Variants in CSMD1 observed in about 807,000 individuals in gnomAD.
CSMD1 encodes CUB and sushi domain-containing protein 1.
A neutral mutation model predicts 417.5 loss-of-function variants in CSMD1; 213 were observed. That is an observed-to-expected ratio of 0.51 (90% CI 0.46 to 0.57). The LOEUF (loss-of-function observed/expected upper bound fraction) is 0.57, where lower values mean the gene tolerates loss of function less well. Ranked by LOEUF, CSMD1 falls within the 20% of genes least tolerant of loss-of-function variation. The pLI is 0.00. For missense variants in CSMD1, 6,923 were observed against 4,529.7 expected (o/e 1.53, Z -15.17); for synonymous variants, 2,862 against 1,736.8 (o/e 1.65, Z -16.11).
intron 3 of CSMD1, among the ~76,000 whole-genome samples, chr8:4,331,321 C>A (rs1329017399): frequency 1.3e-5 from 2 of 152,100 alleles, no homozygotes; most frequent in Non-Finnish European, 2.9e-5. Context: ...TGGGTGCAAA[C>A]GCAGTTTTGA....
chr8:3,858,921 G>A (rs1384060216), intron 5 of CSMD1, among the ~76,000 whole-genome samples: 2 of 152,286 alleles, frequency 1.3e-5, no homozygotes, highest in East Asian at 3.9e-4. Context: ...TGGATTTGGC[G>A]AGTTGGTTGA....
chr8:3,795,115 GATATCTATC>G (rs1799979313), intron 5 of CSMD1, among the ~76,000 whole-genome samples: 1 of 83,126 alleles, frequency 1.2e-5, no homozygotes, highest in African/African-American at 5.5e-5. Context: ...TACAGCTATA[GATATCTATC>G]ATGTACAGCT....
chr8:3,894,060 C>G (rs1334539336), intron 5 of CSMD1, among the ~76,000 whole-genome samples: 1 of 152,122 alleles, frequency 6.6e-6, no homozygotes, highest in East Asian at 1.9e-4. Flanking sequence ...GCTGCCACAT[C>G]CTCACAAGCA....
Position 3,108,846 on chromosome 8 carries a change from A to G in CSMD1, c.6609-98T>C. ...ATGAATTAATTTTTTTAATAAAAGC[A>G]ATAAAACATATGCATTCTCAGGATA... On this transcript the variant is annotated intron_variant, in intron 43 of 69. Transcript: ENST00000635120. The G allele has an allele frequency of 2.5e-6, 3 of 1,203,886 alleles. No homozygotes were observed. The South Asian group carries it at 4.6e-5, about 19-fold the overall frequency. 74.6% of individuals were successfully genotyped at this position (1,203,886 alleles called of 1,614,324 possible).
At chr8:4,575,017 G>T (rs192105323) in intron 2 of CSMD1, among the ~76,000 whole-genome samples, 14 of 152,248 alleles carry the variant, frequency 9.2e-5, no homozygotes, top group Admixed American at 7.2e-4. Flanking sequence ...TAAATAAAAG[G>T]AGAAAGGGCC....
chr8:4,303,477 A>G (rs1396377074), intron 3 of CSMD1, among the ~76,000 whole-genome samples: 5 of 105,416 alleles, frequency 4.7e-5, no homozygotes, highest in African/African-American at 1.9e-4. Flanking sequence ...TGCTGAGCTC[A>G]TGTTGATTTT....
At chr8:3,696,433 T>G (rs1800557376) in intron 7 of CSMD1, among the ~76,000 whole-genome samples, 1 of 152,236 alleles carries the variant, frequency 6.6e-6, no homozygotes, top group Admixed American at 6.5e-5. Context: ...TAAGCTACCA[T>G]GGACTGCTTC....
Position 3,307,685 on chromosome 8 carries a change from A to T in CSMD1, c.3950+10T>A, listed in dbSNP as rs10103770. The T allele has an allele frequency of 6.2e-7, 1 of 1,611,322 alleles. No homozygotes were observed. On this transcript the variant is annotated intron_variant, in intron 25 of 69. Transcript: ENST00000635120. ...TTCTCAAATCACTGAAACCAAAATA[A>T]AACAAGTACCTAATGGTCTTTCCTG...
intron 1 of CSMD1, among the ~76,000 whole-genome samples, chr8:4,775,609 T>G (rs186508243): frequency 2.0e-4 from 31 of 152,310 alleles, no homozygotes; most frequent in African/African-American, 7.5e-4. Flanking sequence ...TAATCAATGT[T>G]AATTACAAGC....
At chr8:3,618,941 G>C (rs1048124432) in intron 7 of CSMD1, among the ~76,000 whole-genome samples, 1 of 152,114 alleles carries the variant, frequency 6.6e-6, no homozygotes, top group African/African-American at 2.4e-5. Flanking sequence ...GAGAGACTGA[G>C]CTCTGTCTTT....
chr8:3,483,295 A>T (rs541291806), intron 11 of CSMD1, among the ~76,000 whole-genome samples: 1 of 152,238 alleles, frequency 6.6e-6, no homozygotes, highest in East Asian at 1.9e-4. Flanking sequence ...GAAATAAAAT[A>T]GAGGCTATTA....
intron 5 of CSMD1, among the ~76,000 whole-genome samples, chr8:3,929,755 G>A (rs1810012681): frequency 2.0e-5 from 3 of 149,692 alleles, no homozygotes; most frequent in South Asian, 2.2e-4. Context: ...TCAGCCTCCT[G>A]GATACAAGCA....
chr8:3,741,227 A>AC (rs1381881933), intron 6 of CSMD1, among the ~76,000 whole-genome samples: 10 of 150,984 alleles, frequency 6.6e-5, no homozygotes, highest in African/African-American at 2.4e-4. Flanking sequence ...AAAAAAAAAA[A>AC]AAAAAAAAAA....
intron 5 of CSMD1, among the ~76,000 whole-genome samples, chr8:3,843,138 T>A (rs1352604108): frequency 6.6e-6 from 1 of 152,190 alleles, no homozygotes; most frequent in African/African-American, 2.4e-5. Context: ...CCATAGCACA[T>A]CTAATGGAAT....
At chr8:3,003,991 C>T (rs939586118) in intron 52 of CSMD1, among the ~76,000 whole-genome samples, 2 of 152,168 alleles carry the variant, frequency 1.3e-5, no homozygotes, top group African/African-American at 2.4e-5. Context: ...GGTGTCAGCC[C>T]CACTGCGTGA....
chr8:4,103,388 T>A (rs943481697), intron 3 of CSMD1, among the ~76,000 whole-genome samples: 1 of 151,528 alleles, frequency 6.6e-6, no homozygotes, highest in African/African-American at 2.4e-5. Flanking sequence ...CAGGGAACCA[T>A]TGGCCAAATT....
chr8:3,853,578 A>C (rs1804064185), intron 5 of CSMD1, among the ~76,000 whole-genome samples: 1 of 152,086 alleles, frequency 6.6e-6, no homozygotes, highest in Admixed American at 6.6e-5. Flanking sequence ...TGAAAAAAAT[A>C]AGTTAAATAA....
intron 3 of CSMD1, among the ~76,000 whole-genome samples, chr8:4,259,795 A>T (rs1563350432): frequency 2.0e-5 from 3 of 152,160 alleles, no homozygotes; most frequent in Admixed American, 2.0e-4. Context: ...TATTCATGTA[A>T]ATAATATAAA....
intron 3 of CSMD1, among the ~76,000 whole-genome samples, chr8:4,281,946 G>A (rs959647031): frequency 3.3e-5 from 5 of 152,184 alleles, no homozygotes; most frequent in African/African-American, 1.2e-4. Flanking sequence ...GAATGTGCCT[G>A]TTAGGGCTTG....
Sources: allele counts gnomAD v4.1 joint callset (sites outside exome capture counted in the v4.1 genomes callset), GRCh38; gene constraint gnomAD v4.1.1; transcripts MANE v1.5; gene names NCBI Gene and HGNC (gene_info 2026-07-23, HGNC 2026-07-21).